The following MTBP variants were observed in gnomAD, a reference collection of about 807,000 sequenced individuals.
MTBP encodes the protein MDM2 binding protein.
Under a neutral mutation model 117.0 loss-of-function variants are expected in MTBP, and 101 were observed. That is an observed-to-expected ratio of 0.86 (90% CI 0.73 to 1.02). The LOEUF (loss-of-function observed/expected upper bound fraction) is 1.02. Ranked by LOEUF, MTBP falls within the 50% of genes least tolerant of loss-of-function variation. The pLI is 0.00. For missense variants in MTBP, 970 were observed against 1,030.9 expected (o/e 0.94, Z 0.81); for synonymous variants, 350 against 351.5 (o/e 1.00, Z 0.05).
rs1275322238 is a variant in MTBP at position 120,494,954 on chromosome 8, C to A, written c.1448-2439C>A. Reference sequence around the variant, plus strand: ...TTCCTTTTTATTTCTCTATTGTTTTCTTTCCTGGAGTGTTTCATATTTTGC... The same window carrying A: ...TTCCTTTTTATTTCTCTATTGTTTTATTTCCTGGAGTGTTTCATATTTTGC... On this transcript the variant is annotated intron_variant, in intron 13 of 21. Coordinates refer to ENST00000305949, the MANE Select transcript of MTBP (RefSeq NM_022045.5). Among the ~76,000 whole-genome samples, 3 of 152,176 alleles carry A rather than the reference C, an allele frequency of 2.0e-5. No individual in the cohort carries two copies. In the East Asian group the frequency reaches 5.8e-4, roughly 29 times the overall value.
At chr8:120,502,401 A>G in intron 14 of MTBP, 91 bp from the exon 15 acceptor site, 1 of 783,154 alleles carries the variant, frequency 1.3e-6, no homozygotes, top group South Asian at 2.1e-5. Context: ...ATACACACAC[A>G]CGTATGTATG....
intron 2 of MTBP, among the ~76,000 whole-genome samples, chr8:120,447,344 C>A (rs1047356967): frequency 9.9e-5 from 15 of 151,982 alleles, no homozygotes; most frequent in Non-Finnish European, 1.9e-4. Flanking sequence ...GTGTATGCTA[C>A]TCTAGCTTGT....
At position 120,470,928 on chromosome 8, in the gene MTBP, A is replaced by G. The variant is rs1032747812; in HGVS notation, c.1156A>G (p.Thr386Ala). 2.5e-6 allele frequency: 4 copies of G among 1,584,052 alleles called. No homozygotes were observed. The highest frequency in any genetic ancestry group is 1.7e-5 in the Admixed American group (1 of 59,962). ...GGAATATATAGCTAAAAAGCCTAAAACAATCAGTGGTAAGTATTACATGTT... is the reference window on the plus strand; with the variant it reads ...GGAATATATAGCTAAAAAGCCTAAAGCAATCAGTGGTAAGTATTACATGTT... Reference protein sequence around the residue: ...WKEYIAKKPKTISVPDVEVKG... With the variant: ...WKEYIAKKPKAISVPDVEVKG... Residue 386 changes from threonine to alanine, a missense_variant, in exon 11 of 22, where the codon ACA becomes GCA. By Grantham distance (58) the Thr-to-Ala change is moderately conservative. Coordinates refer to ENST00000305949, the MANE Select transcript of MTBP (RefSeq NM_022045.5).
intron 2 of MTBP, among the ~76,000 whole-genome samples, chr8:120,446,789 A>G (rs992241354): frequency 3.3e-5 from 5 of 152,148 alleles, no homozygotes; most frequent in African/African-American, 1.2e-4. Context: ...CTGTATAACT[A>G]AGGGGAGTGT....
intron 10 of MTBP, among the ~76,000 whole-genome samples, chr8:120,465,332 AGCCATAGCTAT>A (rs2130537185): frequency 6.6e-6 from 1 of 152,322 alleles, no homozygotes; most frequent in South Asian, 2.1e-4. Context: ...CTTGACTTTA[AGCCATAGCTAT>A]GCCACTCACT....
At chr8:120,507,111 G>C (rs1814701882) in intron 16 of MTBP, among the ~76,000 whole-genome samples, 1 of 152,010 alleles carries the variant, frequency 6.6e-6, no homozygotes, top group Non-Finnish European at 1.5e-5. Context: ...GTAGAAGTCA[G>C]TAACTTCTAT....
In MTBP at chr8:120,523,330, G is replaced by A. The variant is rs1183898958; in HGVS notation, c.2709G>A (p.Lys903=). The A allele has an allele frequency of 4.5e-6, 7 of 1,545,608 alleles. No homozygotes were observed. Among genetic ancestry groups the A allele is most frequent in the Non-Finnish European group, 6.2e-6 (7 of 1,135,588 alleles). The change falls in exon 22 of 22, where the codon AAG becomes AAA. Residue 903 remains lysine, a synonymous_variant. Transcript: ENST00000305949. ...VIDWVLEKTS[K]K ...ACTGGGTATTAGAAAAGACAAGCAA[G>A]AAATGATACATAATCATTCTCTTTA...
At chr8:120,486,696 G>A (rs4634687) in intron 11 of MTBP, among the ~76,000 whole-genome samples, 1 of 151,902 alleles carries the variant, frequency 6.6e-6, no homozygotes, top group African/African-American at 2.4e-5. Flanking sequence ...GGCCACAGCC[G>A]CTTGGATTGG....
chr8:120,447,224 A>G (rs1283465571), intron 2 of MTBP, among the ~76,000 whole-genome samples: 1 of 152,062 alleles, frequency 6.6e-6, no homozygotes, highest in East Asian at 1.9e-4. Context: ...GCTCCTTTTG[A>G]TAATTTTGTA....
chr8:120,505,500 A>G (rs1814670206), intron 15 of MTBP, among the ~76,000 whole-genome samples: 1 of 152,152 alleles, frequency 6.6e-6, no homozygotes, highest in Non-Finnish European at 1.5e-5. Flanking sequence ...TTTCAGTTTA[A>G]AAACAAAGGA....
chr8:120,490,529 A>C lies in MTBP; in HGVS notation c.1406A>C (p.Gln469Pro). The C allele has an allele frequency of 6.2e-7, 1 of 1,609,354 alleles. No homozygotes were observed. Among genetic ancestry groups the C allele is most frequent in the Non-Finnish European group, 8.5e-7 (1 of 1,178,738 alleles). The change falls in exon 13 of 22, where the codon CAG becomes CCG. Residue 469 changes from glutamine to proline, a missense_variant. Transcript: ENST00000305949. ...GAGCAGATTGTACAGAGAGAGAAAC[A>C]GTTAGCTAATGTTCAAGTTTTAGCT... ...SGEQIVQREK[Q>P]LANVQVLALE...
intron 2 of MTBP, 131 bp from the exon 3 acceptor site, chr8:120,450,872 A>G: frequency 1.8e-6 from 1 of 560,898 alleles, no homozygotes; most frequent in East Asian, 3.0e-5. Flanking sequence ...TTTTTAAAAG[A>G]TCCACATATG....
chr8:120,476,290 G>T (rs552802975), intron 11 of MTBP, among the ~76,000 whole-genome samples: 13 of 152,222 alleles, frequency 8.5e-5, no homozygotes, highest in African/African-American at 2.9e-4. Context: ...CAAACCCGTA[G>T]CCAATATCAT....
At chr8:120,469,268 A>C (rs867736463) in intron 10 of MTBP, among the ~76,000 whole-genome samples, 46 of 151,706 alleles carry the variant, frequency 3.0e-4, no homozygotes, top group Middle Eastern at 3.4e-3. Context: ...GTGGTCTCGA[A>C]CTCCTGACCT....
At chr8:120,503,246 C>T (rs924706201) in intron 15 of MTBP, among the ~76,000 whole-genome samples, 1 of 152,104 alleles carries the variant, frequency 6.6e-6, no homozygotes, top group African/African-American at 2.4e-5. Context: ...ATGAAACAGG[C>T]ATTTATTGAG....
At chr8:120,500,825 G>A (rs1023458766) in intron 14 of MTBP, among the ~76,000 whole-genome samples, 4 of 152,180 alleles carry the variant, frequency 2.6e-5, no homozygotes, top group African/African-American at 9.7e-5. Context: ...GGGAGGCCAA[G>A]GTGGATGGAT....
At chr8:120,498,792 C>G (rs1814523308) in intron 14 of MTBP, among the ~76,000 whole-genome samples, 1 of 151,926 alleles carries the variant, frequency 6.6e-6, no homozygotes, top group Admixed American at 6.6e-5. Context: ...GTAGAAGCAC[C>G]ATATTCAGGG....
chr8:120,484,164 A>G (rs1814159197), intron 11 of MTBP, among the ~76,000 whole-genome samples: 1 of 152,066 alleles, frequency 6.6e-6, no homozygotes, highest in Non-Finnish European at 1.5e-5. Flanking sequence ...TAGATTGAAG[A>G]TATATATATA....
intron 16 of MTBP, among the ~76,000 whole-genome samples, chr8:120,508,867 C>T (rs754266149): frequency 2.0e-4 from 31 of 152,142 alleles, no homozygotes; most frequent in Non-Finnish European, 3.7e-4. Flanking sequence ...ACAGTGGTTT[C>T]CAGCTCAGAG....
Sources: gnomAD v4.1 joint callset for allele counts (sites outside exome capture counted in the v4.1 genomes callset) on GRCh38, gnomAD v4.1.1 for gene constraint, MANE v1.5 for transcripts, NCBI Gene and HGNC (gene_info 2026-07-23, HGNC 2026-07-21) for gene names.